The following CORO2B variants were observed in gnomAD, a reference collection of about 807,000 sequenced individuals.
The protein encoded by CORO2B is coronin 2B.
Under a neutral mutation model 58.8 loss-of-function variants are expected in CORO2B, and 26 were observed. The ratio of observed to expected loss-of-function variants is 0.44; its 90% CI spans 0.32 to 0.61. CORO2B has a LOEUF of 0.61. Among genes scored for constraint, CORO2B ranks in the 20% least tolerant of loss-of-function variants. The pLI, the probability that CORO2B is intolerant of heterozygous loss-of-function variation, is 0.04. For synonymous variants in CORO2B, 242 were observed against 253.8 expected (o/e 0.95, Z 0.44); for missense variants, 460 against 645.1 (o/e 0.71, Z 3.11).
intron 2 of CORO2B, among the ~76,000 whole-genome samples, chr15:68,661,744 C>T (rs1373139539): frequency 2.0e-5 from 3 of 152,174 alleles, no homozygotes; most frequent in African/African-American, 7.2e-5. Flanking sequence ...TGGTAGCTCA[C>T]GCCTGTAATC....
intron 1 of CORO2B, among the ~76,000 whole-genome samples, chr15:68,638,037 A>G (rs1595982319): frequency 6.6e-6 from 1 of 152,194 alleles, no homozygotes; most frequent in Non-Finnish European, 1.5e-5. Flanking sequence ...TTGAGAGGCT[A>G]TAAGGGCCAT....
chr15:68,682,646 G>A (rs1382834871), intron 2 of CORO2B, among the ~76,000 whole-genome samples: 1 of 152,064 alleles, frequency 6.6e-6, no homozygotes, highest in Non-Finnish European at 1.5e-5. Context: ...CCCCAGGAGG[G>A]GCAAGGATAC....
At chr15:68,580,527 A>G (rs1899402955) in intron 1 of CORO2B, among the ~76,000 whole-genome samples, 1 of 151,804 alleles carries the variant, frequency 6.6e-6, no homozygotes, top group Non-Finnish European at 1.5e-5. Context: ...CTTGGGCCCA[A>G]CTCCAAACTT....
chr15:68,605,290 C>T (rs1033817104), intron 1 of CORO2B, among the ~76,000 whole-genome samples: 1 of 152,154 alleles, frequency 6.6e-6, no homozygotes, highest in African/African-American at 2.4e-5. Flanking sequence ...ACACCACAAG[C>T]CATAAAAATG....
chr15:68,561,387 C>T, the CORO2B span, among the ~76,000 whole-genome samples: 16 of 151,938 alleles, frequency 1.1e-4, no homozygotes, highest in Admixed American at 1.0e-3. Flanking sequence ...CCCTCCCCGA[C>T]TCTCCCCTGC....
intron 3 of CORO2B, among the ~76,000 whole-genome samples, chr15:68,706,503 C>T (rs1892789394): frequency 6.6e-6 from 1 of 152,176 alleles, no homozygotes; most frequent in Non-Finnish European, 1.5e-5. Flanking sequence ...TGAGGCTCAA[C>T]TTTTGGCTTC....
chr15:68,710,875 C>T lies in CORO2B; in HGVS notation c.477C>T (p.Asp159=). Residue 159 remains aspartate (D), a synonymous_variant, in exon 4 of 12, where the codon GAC becomes GAT. Coordinates refer to ENST00000261861, the MANE Select transcript of CORO2B (RefSeq NM_006091.5). This position sits in a 1 kb window ranked among gnomAD's most constrained non-coding sequence, Gnocchi z 4.1. ...TNNILFSAGY[D]YKVLIWNLDV... ...ACATCCTGTTCAGCGCTGGCTACGA[C>T]TACAAGGTATGCAGTGGGCAGGCAG... is the stretch of plus-strand genomic sequence containing the variant. 6.2e-7 allele frequency: 1 copy of T among 1,603,994 alleles called. No individual in the cohort carries two copies. The highest frequency in any genetic ancestry group is 1.1e-5 in the South Asian group (1 of 88,588).
chr15:68,585,380 A>G (rs143706065), intron 1 of CORO2B, among the ~76,000 whole-genome samples: 125 of 152,342 alleles, frequency 8.2e-4, no homozygotes, highest in African/African-American at 2.9e-3. Context: ...CATCATGATA[A>G]TAACAGTTAT....
chr15:68,547,505 C>T, the CORO2B span, among the ~76,000 whole-genome samples: 1 of 152,140 alleles, frequency 6.6e-6, no homozygotes, highest in African/African-American at 2.4e-5. Context: ...TTTTTTTATG[C>T]TAATTTTTTT....
In CORO2B at chr15:68,683,087, G is replaced by A. The variant is rs571913889; in HGVS notation, c.217-12053G>A. ...GGCCCCTGGTATGGCAGAAACCCAG[G>A]CCTCTGGGCCAAAAAGCGAAGGGCA... On this transcript the variant is annotated intron_variant, in intron 2 of 11. Transcript: ENST00000261861. Among the ~76,000 whole-genome samples, 15 of 152,298 alleles carry A rather than the reference G, an allele frequency of 9.8e-5. No homozygotes were observed. The South Asian group carries it at 3.1e-3, about 32-fold the overall frequency.
chr15:68,646,578 G>A (rs1371945682), intron 2 of CORO2B, among the ~76,000 whole-genome samples: 1 of 152,342 alleles, frequency 6.6e-6, no homozygotes, highest in East Asian at 1.9e-4. Context: ...TGCACAGAGA[G>A]GTCCAAGGAG....
chr15:68,688,195 G>A (rs977543104), intron 2 of CORO2B, among the ~76,000 whole-genome samples: 1 of 152,184 alleles, frequency 6.6e-6, no homozygotes, highest in African/African-American at 2.4e-5. Flanking sequence ...TGTGTTTTTT[G>A]TAATAATATC....
chr15:68,601,845 G>A (rs1899991375), intron 1 of CORO2B, among the ~76,000 whole-genome samples: 1 of 152,126 alleles, frequency 6.6e-6, no homozygotes, highest in Admixed American at 6.5e-5. Context: ...CATTTATAAA[G>A]AACAGAAATT....
chr15:68,664,788 G>A (rs1046517750), intron 2 of CORO2B, among the ~76,000 whole-genome samples: 4 of 152,132 alleles, frequency 2.6e-5, no homozygotes, highest in African/African-American at 4.8e-5. Context: ...AAATATCGTC[G>A]TATGCTTACA....
At chr15:68,672,767 CA>C (rs1165098368) in intron 2 of CORO2B, among the ~76,000 whole-genome samples, 1 of 152,152 alleles carries the variant, frequency 6.6e-6, no homozygotes, top group Non-Finnish European at 1.5e-5. Context: ...CATCAGGCAG[CA>C]AACCAGGCCC....
rs61297577 is a variant in CORO2B at position 68,621,360 on chromosome 15, G to C, written c.16-23800G>C. The stretch of plus-strand genomic sequence containing the variant: ...CAGCATGGAGACCTGGAGCAAGCAC[G>C]ATGCAGGGAGTGCTGAGTTCTTTCT... On this transcript the variant is annotated intron_variant, in intron 1 of 11. Transcript: ENST00000261861. Among the ~76,000 whole-genome samples the C allele has an allele frequency of 1.1e-4, 16 of 152,340 alleles. No individual in the cohort carries two copies. In the East Asian group the frequency reaches 2.3e-3, roughly 22 times the overall value.
intron 2 of CORO2B, among the ~76,000 whole-genome samples, chr15:68,646,022 C>T (rs1901418371): frequency 6.6e-6 from 1 of 152,068 alleles, no homozygotes; most frequent in South Asian, 2.1e-4. Context: ...GATCTGCCCA[C>T]CTTGGCCTCC....
the CORO2B span, among the ~76,000 whole-genome samples, chr15:68,571,781 A>C: frequency 6.6e-6 from 1 of 152,256 alleles, no homozygotes; most frequent in African/African-American, 2.4e-5. Flanking sequence ...ATCTTTGATC[A>C]AGAAGAGACC....
chr15:68,707,402 C>T (rs1294815180), intron 3 of CORO2B, among the ~76,000 whole-genome samples: 1 of 152,136 alleles, frequency 6.6e-6, no homozygotes, highest in African/African-American at 2.4e-5. Context: ...ACAAGAATAT[C>T]CACACCGCTG....
Sources: allele counts gnomAD v4.1 joint callset (sites outside exome capture counted in the v4.1 genomes callset), GRCh38; gene constraint gnomAD v4.1.1; non-coding constraint Gnocchi (gnomAD v3.1); transcripts MANE v1.5; gene names NCBI Gene and HGNC (gene_info 2026-07-23, HGNC 2026-07-21).